The following B3GAT1 variants were observed in gnomAD, a reference collection of about 807,000 sequenced individuals.
B3GAT1 encodes beta-1,3-glucuronyltransferase 1.
B3GAT1 carries 11 observed loss-of-function variants against 28.4 expected under a neutral mutation model. The observed-to-expected ratio is 0.39, with a 90% CI of 0.24 to 0.64. B3GAT1 has a LOEUF of 0.64. Among genes scored for constraint, B3GAT1 ranks in the 30% least tolerant of loss-of-function variants. The probability of loss-of-function intolerance (pLI) is 0.50; values close to 1 mark genes in which losing one functional copy is unlikely to be tolerated. For missense variants in B3GAT1, 375 were observed against 491.0 expected, an observed-to-expected ratio of 0.76 and a Z score of 2.23; for synonymous variants, 255 against 223.1, an observed-to-expected ratio of 1.14 and a Z score of -1.27.
intron 4 of B3GAT1, 110 bp downstream of exon 4, chr11:134,382,600 G>T: frequency 7.5e-7 from 1 of 1,340,780 alleles, no homozygotes. Context: ...GGGGGTTCCA[G>T]AAAGCCCAGG....
chr11:134,381,806 C>T (rs2136299914), intron 5 of B3GAT1, 118 bp downstream of exon 5: 1 of 795,824 alleles, frequency 1.3e-6, no homozygotes, highest in South Asian at 1.6e-5. Context: ...TCCACTCCTG[C>T]CCACATCTGC....
chr11:134,380,554 A>C lies in B3GAT1; in HGVS notation c.*208T>G, dbSNP rs1944101039. 6.5e-6 allele frequency: 1 copy of C among 152,686 alleles called. No individual in the cohort carries two copies. Among genetic ancestry groups the C allele is most frequent in the African/African-American group, 2.4e-5 (1 of 41,438 alleles). The allele number at this position is 152,686 out of a possible 1,614,324, so 9.5% of individuals were successfully genotyped here. On this transcript the variant is annotated 3_prime_UTR_variant, in exon 6 of 6. Coordinates refer to ENST00000312527, the MANE Select transcript of B3GAT1 (RefSeq NM_054025.3). ...GTCTCTCGGGCCCTGGTCACGCTGG[A>C]TGGAGAGAACAACAGGTCTGGGATT...
chr11:134,400,375 G>A (rs191132645), intron 1 of B3GAT1, among the ~76,000 whole-genome samples: 1 of 152,190 alleles, frequency 6.6e-6, no homozygotes, highest in Non-Finnish European at 1.5e-5. Context: ...CTGTGACTCA[G>A]TTTCCTCACC....
chr11:134,402,321 T>C (rs1280651784), intron 1 of B3GAT1, among the ~76,000 whole-genome samples: 1 of 152,122 alleles, frequency 6.6e-6, no homozygotes, highest in Non-Finnish European at 1.5e-5. Flanking sequence ...AGAAAGGCAC[T>C]CAGGAAGGAC....
chr11:134,398,172 T>G (rs912955079), intron 1 of B3GAT1, among the ~76,000 whole-genome samples: 2 of 152,212 alleles, frequency 1.3e-5, no homozygotes, highest in African/African-American at 2.4e-5. Flanking sequence ...TGTGCATGCG[T>G]GTGTGCATGT....
At chr11:134,409,087 C>G (rs548163024) in intron 1 of B3GAT1, among the ~76,000 whole-genome samples, 2 of 152,168 alleles carry the variant, frequency 1.3e-5, no homozygotes, top group African/African-American at 4.8e-5. Context: ...AATTAAAATT[C>G]ATCTAGTATT....
chr11:134,404,006 T>C (rs1481782904), intron 1 of B3GAT1, among the ~76,000 whole-genome samples: 5 of 94,274 alleles, frequency 5.3e-5, no homozygotes, highest in African/African-American at 2.0e-4. Context: ...TATATATATA[T>C]ATATATATAT....
Position 134,387,938 on chromosome 11 carries a change from C to T in B3GAT1, c.-279G>A. 7.5e-7 allele frequency: 1 copy of T among 1,330,188 alleles called. No homozygotes were observed. Among genetic ancestry groups the T allele is most frequent in the Admixed American group, 2.1e-5 (1 of 48,174 alleles). The allele number at this position is 1,330,188 out of a possible 1,614,324, so 82.4% of individuals were successfully genotyped here. On this transcript the variant is annotated splice_region_variant and 5_prime_UTR_variant, in exon 2 of 6. Transcript: ENST00000312527. Reference sequence around the variant, plus strand: ...GGGGTCAGGAACCCTGGGGGGTGGACACCTGCAAGAGAGAGCAGAAGCGGA... The same window carrying T: ...GGGGTCAGGAACCCTGGGGGGTGGATACCTGCAAGAGAGAGCAGAAGCGGA...
intron 5 of B3GAT1, among the ~76,000 whole-genome samples, chr11:134,381,046 C>T (rs1270561285): frequency 6.6e-6 from 1 of 152,142 alleles, no homozygotes; most frequent in Non-Finnish European, 1.5e-5. Context: ...GGCAAGAGGA[C>T]AAATGTCTGT....
At chr11:134,398,788 TTC>T (rs1425122469) in intron 1 of B3GAT1, among the ~76,000 whole-genome samples, 3 of 152,132 alleles carry the variant, frequency 2.0e-5, no homozygotes, top group African/African-American at 7.2e-5. Context: ...ACATACGGGT[TTC>T]TTCCTAGCTG....
chr11:134,395,343 A>C (rs1264989367), intron 1 of B3GAT1, among the ~76,000 whole-genome samples: 1 of 152,160 alleles, frequency 6.6e-6, no homozygotes, highest in African/African-American at 2.4e-5. Flanking sequence ...GACGCTGGAC[A>C]ATGGTGAGCC....
chr11:134,403,170 G>A (rs901857220), intron 1 of B3GAT1, among the ~76,000 whole-genome samples: 2 of 152,176 alleles, frequency 1.3e-5, no homozygotes, highest in Admixed American at 6.5e-5. Context: ...CCAAGGCACA[G>A]GCTCAAGACA....
intron 1 of B3GAT1, among the ~76,000 whole-genome samples, chr11:134,394,825 A>G (rs1944473316): frequency 6.6e-6 from 1 of 152,242 alleles, no homozygotes; most frequent in Non-Finnish European, 1.5e-5. Context: ...GGTGCAGAGA[A>G]TATTTTCACG....
At chr11:134,395,951 G>T (rs1169688439) in intron 1 of B3GAT1, among the ~76,000 whole-genome samples, 1 of 152,172 alleles carries the variant, frequency 6.6e-6, no homozygotes, top group Non-Finnish European at 1.5e-5. Context: ...CACTTGGGTG[G>T]TGGTGGGAAT....
intron 4 of B3GAT1, 57 bp from the exon 5 acceptor site, chr11:134,382,081 CCTCCCTG>C (rs1231505565): frequency 1.1e-5 from 16 of 1,423,470 alleles, no homozygotes; most frequent in African/African-American, 2.8e-5. Context: ...CACTCTGCTG[CCTCCCTG>C]CTCCCTCCCA....
intron 1 of B3GAT1, among the ~76,000 whole-genome samples, chr11:134,397,053 T>C (rs1944517890): frequency 6.6e-6 from 1 of 152,084 alleles, no homozygotes; most frequent in Non-Finnish European, 1.5e-5. Context: ...CAAGCCCCCT[T>C]CTTTCTGTCA....
chr11:134,394,737 A>T (rs1224886064), intron 1 of B3GAT1, among the ~76,000 whole-genome samples: 1 of 152,238 alleles, frequency 6.6e-6, no homozygotes, highest in African/African-American at 2.4e-5. Flanking sequence ...CCAGAGCTCA[A>T]ACCATCTTGT....
intron 1 of B3GAT1, chr11:134,391,120 A>C (rs1591640247): frequency 6.6e-6 from 1 of 152,030 alleles, no homozygotes; most frequent in Admixed American, 6.5e-5. Context: ...GAGGGAGAAA[A>C]CCTCTAAAAA....
Position 134,382,800 on chromosome 11 carries a change from T to C in B3GAT1, c.828A>G (p.Arg276=). The change falls in exon 4 of 6, where the codon CGA becomes CGG. Residue 276 remains arginine, a synonymous_variant. Transcript: ENST00000312527. ...LQRSQAYFKL[R]GVKGGYQESS... ...TTTCCTGGTAGCCTCCCTTCACACC[T>C]CGCAGCTTGAAGTAGGCCTGGCTTC... The C allele has an allele frequency of 1.2e-6, 2 of 1,614,204 alleles. No individual in the cohort carries two copies. Among genetic ancestry groups the C allele is most frequent in the Non-Finnish European group, 1.7e-6 (2 of 1,180,036 alleles).
Sources: allele counts gnomAD v4.1 joint callset (sites outside exome capture counted in the v4.1 genomes callset), GRCh38; gene constraint gnomAD v4.1.1; transcripts MANE v1.5; gene names NCBI Gene and HGNC (gene_info 2026-07-23, HGNC 2026-07-21).